Variants in IQCH observed in about 807,000 individuals in gnomAD.
IQCH encodes IQ motif containing H.
In IQCH, 98 loss-of-function variants were observed where a neutral mutation model predicts 117.0. The ratio of observed to expected loss-of-function variants is 0.84; its 90% CI spans 0.71 to 0.99. The LOEUF is 0.99. Among genes scored for constraint, IQCH ranks in the 50% least tolerant of loss-of-function variants. The pLI, the probability that IQCH is intolerant of heterozygous loss-of-function variation, is 0.00. For synonymous variants in IQCH, 412 were observed against 448.2 expected (o/e 0.92, Z 1.02); for missense variants, 1,102 against 1,243.8 (o/e 0.89, Z 1.72).
Position 67,454,871 on chromosome 15 carries a change from TAA to T in IQCH, c.2506-10253_2506-10252del, listed in dbSNP as rs1399466377. On this transcript the variant is annotated intron_variant, in intron 16 of 20. Transcript: ENST00000335894. The surrounding 1 kb of genome is among the most constrained non-coding windows in gnomAD (Gnocchi z 5.2). ...AATAATGTTGCAATGGACATTCATA[TAA>T]AAGTGTTCGCATAAACATGTGTTTT... is the stretch of plus-strand genomic sequence containing the variant. Among the ~76,000 whole-genome samples the T allele has an allele frequency of 1.3e-5, 2 of 152,256 alleles. No individual in the cohort carries two copies. Among genetic ancestry groups the T allele is most frequent in the Non-Finnish European group, 2.9e-5 (2 of 68,054 alleles).
chr15:67,480,944 G>A (rs887362035), intron 18 of IQCH, among the ~76,000 whole-genome samples: 2 of 151,842 alleles, frequency 1.3e-5, no homozygotes, highest in Admixed American at 6.6e-5. Flanking sequence ...CAAGCAGAAA[G>A]GAAAGGGAAT....
Position 67,427,406 on chromosome 15 carries a change from G to A in IQCH, c.2505+5829G>A, listed in dbSNP as rs1423402072. 2.0e-5 allele frequency among the ~76,000 whole-genome samples: 3 copies of A among 151,954 alleles called. No individual in the cohort carries two copies. The highest frequency in any genetic ancestry group is 4.4e-5 in the Non-Finnish European group (3 of 68,016). On this transcript the variant is annotated intron_variant, in intron 16 of 20. Transcript: ENST00000335894. The surrounding 1 kb of genome is among the most constrained non-coding windows in gnomAD (Gnocchi z 4.7). ...TTCTTTTCTTTTTTTTGTAGAGATA[G>A]GGTCTCACTATGTTGCCCAGGCTGG... is the stretch of plus-strand genomic sequence containing the variant.
intron 4 of IQCH, among the ~76,000 whole-genome samples, chr15:67,292,735 T>C (rs1966794486): frequency 6.6e-6 from 1 of 152,332 alleles, no homozygotes; most frequent in Non-Finnish European, 1.5e-5. Context: ...TTAACATGAA[T>C]CTTCAAAAAT....
chr15:67,476,972 T>TTA lies in IQCH; in HGVS notation c.2799+1158_2799+1159dup, dbSNP rs1491383590. 6.6e-6 allele frequency among the ~76,000 whole-genome samples: 1 copy of TTA among 152,034 alleles called. No homozygotes were observed. The highest frequency in any genetic ancestry group is 1.5e-5 in the Non-Finnish European group (1 of 68,008). On this transcript the variant is annotated intron_variant, in intron 18 of 20. Transcript: ENST00000335894. This position sits in a 1 kb window ranked among gnomAD's most constrained non-coding sequence, Gnocchi z 4.1. The stretch of plus-strand genomic sequence containing the variant: ...GATATTCAGTTCTACATTTATTAAC[T>TTA]TATATTCTTTATACTTGAGACCAGT...
At chr15:67,294,628 A>G (rs888949836) in intron 4 of IQCH, among the ~76,000 whole-genome samples, 1 of 152,190 alleles carries the variant, frequency 6.6e-6, no homozygotes, top group Non-Finnish European at 1.5e-5. Context: ...TCTTGCAACC[A>G]TGGGATGACA....
Position 67,490,154 on chromosome 15 carries a change from C to A in IQCH, c.2861+90C>A. 1.1e-6 allele frequency: 1 copy of A among 873,780 alleles called. No individual in the cohort carries two copies. Among genetic ancestry groups the A allele is most frequent in the Non-Finnish European group, 1.9e-6 (1 of 527,498 alleles). The allele number at this position is 873,780 out of a possible 1,614,324, so 54.1% of individuals were successfully genotyped here. A position where few individuals can be genotyped will look rare whatever the true frequency, so the allele number is the denominator to read the frequency against. ...AATGATGCTTCTCATGCATTTTAAT[C>A]AGCATGCTGATTTATTAGAAGTCTA... On this transcript the variant is annotated intron_variant, in intron 19 of 20. Transcript: ENST00000335894. This position sits in a 1 kb window ranked among gnomAD's most constrained non-coding sequence, Gnocchi z 4.9.
chr15:67,422,299 CCTTTT>C lies in IQCH; in HGVS notation c.2505+726_2505+730del, dbSNP rs1349253368. Among the ~76,000 whole-genome samples the C allele has an allele frequency of 6.6e-6, 1 of 152,062 alleles. No homozygotes were observed. The highest frequency in any genetic ancestry group is 1.5e-5 in the Non-Finnish European group (1 of 68,008). The stretch of plus-strand genomic sequence containing the variant: ...GGAGTTAAGAGTTCACATTTCTGTT[CCTTTT>C]CTTATCAGACAACTTAGATTGTCTC... On this transcript the variant is annotated intron_variant, in intron 16 of 20. Transcript: ENST00000335894. This position sits in a 1 kb window ranked among gnomAD's most constrained non-coding sequence, Gnocchi z 4.7.
At chr15:67,470,523 T>C (rs941267586) in intron 17 of IQCH, among the ~76,000 whole-genome samples, 1 of 152,122 alleles carries the variant, frequency 6.6e-6, no homozygotes, top group Non-Finnish European at 1.5e-5. Flanking sequence ...CATGGTTTCC[T>C]ATACATAGCA....
rs554409566 is a variant in IQCH at position 67,292,395 on chromosome 15, C to T, written c.387+12883C>T. Among the ~76,000 whole-genome samples, 334 of 152,124 alleles carry T rather than the reference C, an allele frequency of 2.2e-3. 2 individuals carry two copies. The highest frequency in any genetic ancestry group is 3.7e-3 in the Non-Finnish European group (254 of 67,994). ...GCCTCCCGAGTAGCTGAGACTGGGA[C>T]TAGAGCTGCATGCCACCATACCTGG... On this transcript the variant is annotated intron_variant, in intron 4 of 20. Transcript: ENST00000335894.
In IQCH at chr15:67,388,439, G is replaced by T. The variant is rs1464474618; in HGVS notation, c.1457-392G>T. ...ATTGCAATTTCATCAGCTTTGTAAA[G>T]TTAGTAGCTCTGTTTTATAATTTAC... is the stretch of plus-strand genomic sequence containing the variant. On this transcript the variant is annotated intron_variant, in intron 11 of 20. Coordinates refer to ENST00000335894, the MANE Select transcript of IQCH (RefSeq NM_001031715.3). The surrounding 1 kb of genome is among the most constrained non-coding windows in gnomAD (Gnocchi z 5.5). Among the ~76,000 whole-genome samples, 1 of 123,488 alleles carries T rather than the reference G, an allele frequency of 8.1e-6. No homozygotes were observed. The highest frequency in any genetic ancestry group is 7.7e-5 in the Admixed American group (1 of 12,960). 81.0% of individuals were successfully genotyped at this position (123,488 alleles called of 152,430 possible). A position where few individuals can be genotyped will look rare whatever the true frequency, so the allele number is the denominator to read the frequency against.
rs868202481 is a variant in IQCH, at chr15:67,431,042, A to C, written c.2505+9465A>C. Among the ~76,000 whole-genome samples, 4 of 152,202 alleles carry C rather than the reference A, an allele frequency of 2.6e-5. No individual in the cohort carries two copies. Among genetic ancestry groups the C allele is most frequent in the African/African-American group, 9.7e-5 (4 of 41,440 alleles). Reference sequence around the variant, plus strand: ...GAAGGTGGGATTTGAGCCGAAAGAAAATTAGGATATGAGGAGGGTAAGAAA... The same window carrying C: ...GAAGGTGGGATTTGAGCCGAAAGAACATTAGGATATGAGGAGGGTAAGAAA... On this transcript the variant is annotated intron_variant, in intron 16 of 20. Coordinates refer to ENST00000335894, the MANE Select transcript of IQCH (RefSeq NM_001031715.3). This position sits in a 1 kb window ranked among gnomAD's most constrained non-coding sequence, Gnocchi z 4.8.
chr15:67,308,845 GGA>G (rs1423540208), intron 4 of IQCH, among the ~76,000 whole-genome samples: 5 of 151,832 alleles, frequency 3.3e-5, no homozygotes, highest in Non-Finnish European at 7.4e-5. Flanking sequence ...CTGGGAGCAG[GGA>G]GAGGCAATGA....
intron 10 of IQCH, among the ~76,000 whole-genome samples, chr15:67,382,502 G>A (rs1164089079): frequency 6.6e-6 from 1 of 152,180 alleles, no homozygotes; most frequent in Non-Finnish European, 1.5e-5. Flanking sequence ...CGTTTTTGAA[G>A]GGCCATTATT....
chr15:67,417,780 A>G lies in IQCH; in HGVS notation c.2218+729A>G, dbSNP rs2081614548. ...CGGCCCTCAGTCTCTAGGAGGTTAC[A>G]GTGCAAGACATCTTACATGCTTACC... On this transcript the variant is annotated intron_variant, in intron 15 of 20. Coordinates refer to ENST00000335894, the MANE Select transcript of IQCH (RefSeq NM_001031715.3). This position sits in a 1 kb window ranked among gnomAD's most constrained non-coding sequence, Gnocchi z 4.3. 6.6e-6 allele frequency among the ~76,000 whole-genome samples: 1 copy of G among 152,190 alleles called. No homozygotes were observed. The highest frequency in any genetic ancestry group is 1.5e-5 in the Non-Finnish European group (1 of 68,042).
Position 67,433,482 on chromosome 15 carries a change from G to A in IQCH, c.2505+11905G>A, listed in dbSNP as rs75115295. Among the ~76,000 whole-genome samples the A allele has an allele frequency of 6.6e-6, 1 of 152,224 alleles. No individual in the cohort carries two copies. Among genetic ancestry groups the A allele is most frequent in the East Asian group, 1.9e-4 (1 of 5,176 alleles). ...ACCCAAGCCTAAATATCAGCTCTTG[G>A]GTAGGATTTTGGTTGATCTGCATAT... On this transcript the variant is annotated intron_variant, in intron 16 of 20. Transcript: ENST00000335894. This position sits in a 1 kb window ranked among gnomAD's most constrained non-coding sequence, Gnocchi z 5.4.
intron 3 of IQCH, among the ~76,000 whole-genome samples, chr15:67,277,521 C>G (rs1245539520): frequency 7.0e-6 from 1 of 143,652 alleles, no homozygotes; most frequent in Admixed American, 7.4e-5. Flanking sequence ...TGAGAGTTTC[C>G]TCCAGTATCT....
intron 4 of IQCH, among the ~76,000 whole-genome samples, chr15:67,324,768 A>G (rs1359606168): frequency 6.6e-6 from 1 of 152,002 alleles, no homozygotes; most frequent in Non-Finnish European, 1.5e-5. Context: ...TGAGAAGTCA[A>G]CCATTATTCA....
intron 20 of IQCH, among the ~76,000 whole-genome samples, chr15:67,495,160 G>A (rs536390329): frequency 6.6e-6 from 1 of 152,266 alleles, no homozygotes; most frequent in South Asian, 2.1e-4. Flanking sequence ...AAGCTTAATA[G>A]AAATGTAATT....
chr15:67,442,294 C>A (rs1053543455), intron 16 of IQCH, among the ~76,000 whole-genome samples: 1 of 151,978 alleles, frequency 6.6e-6, no homozygotes, highest in Non-Finnish European at 1.5e-5. Flanking sequence ...CCTGTAATCC[C>A]AGCTACTCGG....
Sources: gnomAD v4.1 joint callset for allele counts (sites outside exome capture counted in the v4.1 genomes callset) on GRCh38, gnomAD v4.1.1 for gene constraint, Gnocchi (gnomAD v3.1) non-coding constraint, MANE v1.5 for transcripts, NCBI Gene and HGNC (gene_info 2026-07-23, HGNC 2026-07-21) for gene names.